The following ST6GAL2 variants were observed in gnomAD, a reference collection of about 807,000 sequenced individuals.
ST6GAL2 encodes ST6 beta-galactoside alpha-2,6-sialyltransferase 2, also known as beta-galactoside alpha-2,6-sialyltransferase 2.
A neutral mutation model predicts 37.5 loss-of-function variants in ST6GAL2; 24 were observed. The ratio of observed to expected loss-of-function variants is 0.64; its 90% CI spans 0.46 to 0.90. The LOEUF (loss-of-function observed/expected upper bound fraction) is 0.90, where lower values mean the gene tolerates loss of function less well. Ranked by LOEUF, ST6GAL2 falls within the 40% of genes least tolerant of loss-of-function variation. The probability of loss-of-function intolerance (pLI) is 0.00; values close to 1 mark genes in which losing one functional copy is unlikely to be tolerated. For missense variants in ST6GAL2, 715 were observed against 712.7 expected, an observed-to-expected ratio of 1.00 and a Z score of -0.04; for synonymous variants, 306 against 295.1, an observed-to-expected ratio of 1.04 and a Z score of -0.38.
intron 1 of ST6GAL2, among the ~76,000 whole-genome samples, chr2:106,862,552 T>TTTTA (rs1677846291): frequency 6.6e-6 from 1 of 152,210 alleles, no homozygotes; most frequent in Non-Finnish European, 1.5e-5. Flanking sequence ...AAAAATGTTC[T>TTTTA]GGCTCTCTCA....
chr2:106,818,349 C>G (rs1675882908), intron 5 of ST6GAL2, among the ~76,000 whole-genome samples: 1 of 152,164 alleles, frequency 6.6e-6, no homozygotes, highest in African/African-American at 2.4e-5. Flanking sequence ...CCCCCTTCCC[C>G]ACTCTAGGCA....
rs962417848 is a variant in ST6GAL2, at chr2:106,805,345, T to A, written c.*1333A>T. Reference sequence around the variant, plus strand: ...TTTAATTAAGGTATTACAGAATGTTTCTGTTTCACTATATTCATAGCAAAA... The same window carrying A: ...TTTAATTAAGGTATTACAGAATGTTACTGTTTCACTATATTCATAGCAAAA... On this transcript the variant is annotated 3_prime_UTR_variant, in exon 6 of 6. Transcript: ENST00000409382. 6.6e-6 allele frequency: 1 copy of A among 152,252 alleles called. No homozygotes were observed. Among genetic ancestry groups the A allele is most frequent in the Non-Finnish European group, 1.5e-5 (1 of 68,040 alleles). 9.4% of individuals were successfully genotyped at this position (152,252 alleles called of 1,614,324 possible).
At chr2:106,807,065 T>TTTG in intron 5 of ST6GAL2, 116 bp from the exon 6 acceptor site, 2 of 837,642 alleles carry the variant, frequency 2.4e-6, no homozygotes, top group Non-Finnish European at 3.7e-6. Context: ...CACTTACTTT[T>TTTG]TTGTTGTTGT....
At chr2:106,887,138 C>T (rs567811858), upstream of ST6GAL2, 3 of 152,514 alleles carry the variant, frequency 2.0e-5, no homozygotes, top group Admixed American at 2.0e-4. Flanking sequence ...TCCAACACCT[C>T]CCCCCGCCAG....
intron 5 of ST6GAL2, among the ~76,000 whole-genome samples, chr2:106,811,971 A>C (rs539567848): frequency 6.6e-6 from 1 of 152,244 alleles, no homozygotes; most frequent in East Asian, 1.9e-4. Context: ...ACAGGGACTG[A>C]ATTCCCCCAG....
intron 5 of ST6GAL2, among the ~76,000 whole-genome samples, chr2:106,827,342 GA>G (rs1676247272): frequency 6.6e-6 from 1 of 152,174 alleles, no homozygotes; most frequent in African/African-American, 2.4e-5. Flanking sequence ...GATCAAAGAA[GA>G]GGGGCAAAGA....
intron 1 of ST6GAL2, among the ~76,000 whole-genome samples, chr2:106,875,547 G>T (rs896904634): frequency 2.0e-5 from 3 of 152,162 alleles, no homozygotes; most frequent in African/African-American, 7.2e-5. Flanking sequence ...CTCAAAGCTG[G>T]TCAGCACACT....
At chr2:106,840,436 A>C (rs1244530973) in intron 2 of ST6GAL2, among the ~76,000 whole-genome samples, 3 of 152,224 alleles carry the variant, frequency 2.0e-5, no homozygotes, top group African/African-American at 7.2e-5. Context: ...CTGAGATACC[A>C]ACTTATACAA....
chr2:106,845,697 G>A (rs1357272738), intron 1 of ST6GAL2, among the ~76,000 whole-genome samples: 1 of 152,206 alleles, frequency 6.6e-6, no homozygotes, highest in Non-Finnish European at 1.5e-5. Flanking sequence ...GCTAAACTAA[G>A]AAAACTACAT....
intron 2 of ST6GAL2, among the ~76,000 whole-genome samples, chr2:106,837,560 G>A (rs535620693): frequency 6.6e-6 from 1 of 152,292 alleles, no homozygotes; most frequent in African/African-American, 2.4e-5. Flanking sequence ...GTTGCAGACA[G>A]TGAGAGGAGA....
intron 5 of ST6GAL2, among the ~76,000 whole-genome samples, chr2:106,822,605 C>A (rs561336706): frequency 6.6e-6 from 1 of 152,158 alleles, no homozygotes; most frequent in African/African-American, 2.4e-5. Context: ...CAATCCCTAT[C>A]AAAATACCAA....
intron 5 of ST6GAL2, among the ~76,000 whole-genome samples, chr2:106,811,517 C>T (rs1573202823): frequency 1.3e-5 from 2 of 152,150 alleles, no homozygotes. Context: ...TTTAGAGCAC[C>T]TTTCTTTAAA....
chr2:106,825,785 G>T (rs1676178143), intron 5 of ST6GAL2, among the ~76,000 whole-genome samples: 1 of 152,140 alleles, frequency 6.6e-6, no homozygotes, highest in Non-Finnish European at 1.5e-5. Flanking sequence ...TTTTGGGTGG[G>T]CAGGACCCTT....
chr2:106,826,206 C>T (rs1382398587), intron 5 of ST6GAL2, among the ~76,000 whole-genome samples: 1 of 152,064 alleles, frequency 6.6e-6, no homozygotes, highest in East Asian at 1.9e-4. Flanking sequence ...CCTGAGACTG[C>T]GTAAATTATA....
chr2:106,825,284 G>C (rs1188138166), intron 5 of ST6GAL2, among the ~76,000 whole-genome samples: 3 of 152,202 alleles, frequency 2.0e-5, no homozygotes, highest in Non-Finnish European at 4.4e-5. Context: ...GCCATGTTGT[G>C]AGGATGCCCA....
chr2:106,879,423 T>C (rs1229070410), intron 1 of ST6GAL2, among the ~76,000 whole-genome samples: 4 of 152,110 alleles, frequency 2.6e-5, no homozygotes, highest in Admixed American at 2.6e-4. Context: ...CCTCAAATAG[T>C]TAATGAAATA....
At chr2:106,856,168 T>C (rs1296142588) in intron 1 of ST6GAL2, among the ~76,000 whole-genome samples, 2 of 152,178 alleles carry the variant, frequency 1.3e-5, no homozygotes, top group African/African-American at 4.8e-5. Flanking sequence ...CCATAAACAA[T>C]AGATACGTAA....
At chr2:106,864,083 G>C (rs1051743232) in intron 1 of ST6GAL2, among the ~76,000 whole-genome samples, 2 of 152,224 alleles carry the variant, frequency 1.3e-5, no homozygotes, top group African/African-American at 4.8e-5. Flanking sequence ...AAAAGCCAGA[G>C]GAGGCTGGGA....
intron 5 of ST6GAL2, among the ~76,000 whole-genome samples, chr2:106,811,870 G>A (rs373979245): frequency 3.3e-5 from 5 of 152,198 alleles, no homozygotes; most frequent in African/African-American, 7.2e-5. Flanking sequence ...AAAATGATAC[G>A]AAGCAAAATC....
Sources: gnomAD v4.1 joint callset for allele counts (sites outside exome capture counted in the v4.1 genomes callset) on GRCh38, gnomAD v4.1.1 for gene constraint, MANE v1.5 for transcripts, NCBI Gene and HGNC (gene_info 2026-07-23, HGNC 2026-07-21) for gene names.